The following NXNL2 variants were observed in gnomAD, a reference collection of about 807,000 sequenced individuals.
NXNL2 encodes the protein nucleoredoxin like 2.
A neutral mutation model predicts 11.1 loss-of-function variants in NXNL2; 7 were observed. The ratio of observed to expected loss-of-function variants is 0.63; its 90% confidence interval spans 0.36 to 1.18. The LOEUF (loss-of-function observed/expected upper bound fraction) is 1.18, where lower values mean the gene tolerates loss of function less well. Ranked by LOEUF, NXNL2 falls within the 50% of genes most tolerant of loss-of-function variation. NXNL2 has a pLI of 0.02. For missense variants in NXNL2, 233 were observed against 217.7 expected, an observed-to-expected ratio of 1.07 and a Z score of -0.44; for synonymous variants, 109 against 101.8, an observed-to-expected ratio of 1.07 and a Z score of -0.42.
intron 1 of NXNL2, among the ~76,000 whole-genome samples, chr9:88,551,198 T>C (rs1201637999): frequency 6.6e-6 from 1 of 152,212 alleles, no homozygotes; most frequent in African/African-American, 2.4e-5. Context: ...CTGTTCAGTC[T>C]GGAAACACAC....
chr9:88,535,284 A>G lies in NXNL2; in HGVS notation c.-151A>G, dbSNP rs1315094900. On this transcript the variant is annotated 5_prime_UTR_variant, in exon 1 of 2. Coordinates refer to ENST00000375854, the MANE Select transcript of NXNL2 (RefSeq NM_001161625.2). ...TCCAGCCACAGGCGAGGCCTGGCCA[A>G]GGTGTGGGCGCATCTGGGGCAGGTC... is the stretch of plus-strand genomic sequence containing the variant. The G allele has an allele frequency of 5.8e-6, 4 of 686,138 alleles. No individual in the cohort carries two copies. Among genetic ancestry groups the G allele is most frequent in the Middle Eastern group, 4.1e-4 (1 of 2,456 alleles). 42.5% of individuals were successfully genotyped at this position (686,138 alleles called of 1,614,324 possible). A position where few individuals can be genotyped will look rare whatever the true frequency, so the allele number is the denominator to read the frequency against.
chr9:88,549,972 GGGCCACCACGCCT>G (rs1459434428), downstream of NXNL2, among the ~76,000 whole-genome samples: 1 of 152,132 alleles, frequency 6.6e-6, no homozygotes, highest in East Asian at 1.9e-4. Flanking sequence ...TTACAGGCAT[GGGCCACCACGCCT>G]GGCCAATTTT....
At chr9:88,579,318 C>T (rs1830384186), downstream of NXNL2, among the ~76,000 whole-genome samples, 1 of 152,188 alleles carries the variant, frequency 6.6e-6, no homozygotes, top group Admixed American at 6.5e-5. Flanking sequence ...GGGGGGCTTC[C>T]TGACCTCTTC....
intron 1 of NXNL2, among the ~76,000 whole-genome samples, chr9:88,570,279 C>T (rs753075136): frequency 6.6e-6 from 1 of 151,800 alleles, no homozygotes; most frequent in African/African-American, 2.4e-5. Context: ...CCACCATGTC[C>T]GGCTAATTTT....
At chr9:88,569,870 G>T (rs13440157) in intron 1 of NXNL2, among the ~76,000 whole-genome samples, 4,011 of 151,878 alleles carry the variant, frequency 0.026, 171 homozygotes, top group African/African-American at 0.087. Context: ...ATTTTATTTC[G>T]GTTATTTGCA....
Position 88,544,494 on chromosome 9 carries a change from T to G in NXNL2, c.418T>G (p.Cys140Gly). The G allele has an allele frequency of 1.9e-6, 3 of 1,551,356 alleles. No homozygotes were observed. The highest frequency in any genetic ancestry group is 2.6e-6 in the Non-Finnish European group (3 of 1,146,802). Residue 140 changes from cysteine (C) to glycine (G), a missense_variant, in exon 2 of 2, where the codon TGC becomes GGC. Physicochemically the swap from Cys to Gly is radical, Grantham distance 159 (BLOSUM62 -3). Transcript: ENST00000375854. ...RKQIRERGLACFQDWVEAADI... is the reference protein window; with the variant it reads ...RKQIRERGLAGFQDWVEAADI... ...GCAGATCCGGGAACGGGGGTTGGCC[T>G]GCTTCCAGGACTGGGTGGAGGCGGC...
At chr9:88,543,297 G>T (rs1460603964) in intron 1 of NXNL2, among the ~76,000 whole-genome samples, 1 of 151,594 alleles carries the variant, frequency 6.6e-6, no homozygotes, top group African/African-American at 2.4e-5. Flanking sequence ...CTTAGAAATG[G>T]GGTCTGCCGC....
intron 1 of NXNL2, among the ~76,000 whole-genome samples, chr9:88,562,051 C>A (rs1321110438): frequency 6.6e-6 from 1 of 152,170 alleles, no homozygotes; most frequent in Non-Finnish European, 1.5e-5. Flanking sequence ...CATCACCCCT[C>A]AGAAGTAGAA....
intron 1 of NXNL2, among the ~76,000 whole-genome samples, chr9:88,561,185 T>C (rs553375019): frequency 1.3e-5 from 2 of 152,170 alleles, no homozygotes; most frequent in South Asian, 4.2e-4. Flanking sequence ...CCAGTGAATA[T>C]AAAGCAGGCA....
At chr9:88,562,312 C>A (rs992060855) in intron 1 of NXNL2, among the ~76,000 whole-genome samples, 1 of 151,966 alleles carries the variant, frequency 6.6e-6, no homozygotes, top group Admixed American at 6.6e-5. Flanking sequence ...CCCAAGGGTG[C>A]GGCTGGGGGC....
At chr9:88,558,839 CTG>C (rs1199237560) in intron 1 of NXNL2, among the ~76,000 whole-genome samples, 2 of 152,030 alleles carry the variant, frequency 1.3e-5, no homozygotes, top group Non-Finnish European at 2.9e-5. Flanking sequence ...TTGGTTTTTC[CTG>C]TCTCTTAGCC....
intron 1 of NXNL2, among the ~76,000 whole-genome samples, chr9:88,543,270 CT>C (rs370174841): frequency 0.029 from 4,158 of 143,076 alleles, 117 homozygotes; most frequent in African/African-American, 0.077. Context: ...GGAATTTTAA[CT>C]TTTTTTTTTT....
intron 1 of NXNL2, among the ~76,000 whole-genome samples, chr9:88,536,180 T>C (rs1829615081): frequency 1.3e-5 from 2 of 152,072 alleles, no homozygotes; most frequent in African/African-American, 2.4e-5. Context: ...ACCCGGTGTC[T>C]GGATGCGGGG....
intron 1 of NXNL2, among the ~76,000 whole-genome samples, chr9:88,537,349 T>C (rs1467665661): frequency 1.3e-5 from 2 of 151,946 alleles, no homozygotes; most frequent in Admixed American, 6.6e-5. Context: ...ACTGGGGAGG[T>C]CATCGCTTGG....
At chr9:88,549,164 T>C (rs1381471011), downstream of NXNL2, among the ~76,000 whole-genome samples, 1 of 152,220 alleles carries the variant, frequency 6.6e-6, no homozygotes, top group African/African-American at 2.4e-5. Context: ...AGGTTTCCTC[T>C]CGAGATATGC....
intron 1 of NXNL2, among the ~76,000 whole-genome samples, chr9:88,569,721 T>C (rs1830230323): frequency 6.6e-6 from 1 of 152,244 alleles, no homozygotes; most frequent in African/African-American, 2.4e-5. Flanking sequence ...TATGTGGTTT[T>C]TTCTTCTTTG....
Position 88,559,182 on chromosome 9 carries a change from G to A in NXNL2, c.303-11905G>A, listed in dbSNP as rs1005555555. 2.3e-4 allele frequency among the ~76,000 whole-genome samples: 35 copies of A among 152,190 alleles called. 1 individual carries two copies. The highest frequency in any genetic ancestry group is 1.6e-3 in the Admixed American group (25 of 15,286). On this transcript the variant is annotated intron_variant, in intron 1 of 2. Transcript: ENST00000375855. ...ACTTCCAGGTGGCCTCTGGAGGGAT[G>A]GGGACAAGGAGCTTGGTGCCTTTTC...
rs550237399 is a variant in NXNL2, at chr9:88,572,619, G to A, written c.*16+1411G>A. Among the ~76,000 whole-genome samples, 5 of 152,280 alleles carry A rather than the reference G, an allele frequency of 3.3e-5. No homozygotes were observed. The South Asian group carries it at 8.3e-4, about 25-fold the overall frequency. On this transcript the variant is annotated intron_variant, in intron 2 of 2. Transcript: ENST00000375855. ...GACCCCGGCAAAACACAGGGCGATC[G>A]GCCTGTGCTGCGACCCAGGTGTTGG... is the stretch of plus-strand genomic sequence containing the variant.
intron 1 of NXNL2, among the ~76,000 whole-genome samples, chr9:88,554,846 T>C (rs1000619310): frequency 1.3e-5 from 2 of 152,182 alleles, no homozygotes; most frequent in African/African-American, 4.8e-5. Flanking sequence ...TTTTATACCA[T>C]GGGGGAACTT....
Sources: gnomAD v4.1 joint callset for allele counts (sites outside exome capture counted in the v4.1 genomes callset) on GRCh38, gnomAD v4.1.1 for gene constraint, MANE v1.5 for transcripts, NCBI Gene and HGNC (gene_info 2026-07-23, HGNC 2026-07-21) for gene names.